CALN1: variants seen among roughly 807,000 people sequenced by gnomAD.
The protein encoded by CALN1 is calcium-binding protein 8.
A neutral mutation model predicts 30.6 loss-of-function variants in CALN1; 17 were observed. That is an observed-to-expected ratio of 0.56 (90% CI 0.38 to 0.83). CALN1 has a LOEUF of 0.83. CALN1 is among the 40% of genes least tolerant of loss of function. The pLI, the probability that CALN1 is intolerant of heterozygous loss-of-function variation, is 0.00. For synonymous variants in CALN1, 156 were observed against 131.4 expected (o/e 1.19, Z -1.28); for missense variants, 291 against 354.9 (o/e 0.82, Z 1.45).
At chr7:72,441,010 G>A (rs1343647619) in intron 1 of CALN1, among the ~76,000 whole-genome samples, 1 of 151,516 alleles carries the variant, frequency 6.6e-6, no homozygotes, top group Non-Finnish European at 1.5e-5. Flanking sequence ...ATATATACAT[G>A]TCAAAAAATG....
At chr7:72,409,180 G>C (rs1213140794) in intron 1 of CALN1, among the ~76,000 whole-genome samples, 6 of 151,838 alleles carry the variant, frequency 4.0e-5, no homozygotes, top group East Asian at 2.0e-4. Context: ...ATTTTTAGTA[G>C]AGACAGTGTT....
intron 3 of CALN1, among the ~76,000 whole-genome samples, chr7:72,201,651 G>A (rs1225328978): frequency 6.6e-6 from 1 of 151,398 alleles, no homozygotes; most frequent in Non-Finnish European, 1.5e-5. Flanking sequence ...CTCACTACCT[G>A]GGTGACAGAT....
intron 5 of CALN1, among the ~76,000 whole-genome samples, chr7:71,932,579 C>T (rs1384622785): frequency 6.6e-6 from 1 of 151,830 alleles, no homozygotes; most frequent in Non-Finnish European, 1.5e-5. Context: ...TTTCGGAGGC[C>T]GAGGCGGGCG....
intron 2 of CALN1, among the ~76,000 whole-genome samples, chr7:72,345,014 T>G (rs1272676514): frequency 1.4e-5 from 2 of 147,936 alleles, no homozygotes; most frequent in Non-Finnish European, 3.0e-5. Context: ...ACATTATATA[T>G]GTACAATATA....
intron 3 of CALN1, among the ~76,000 whole-genome samples, chr7:72,118,808 C>T (rs1007297782): frequency 1.3e-5 from 2 of 152,154 alleles, no homozygotes; most frequent in Non-Finnish European, 2.9e-5. Context: ...AGGGATCTCG[C>T]ATTGCTGGAA....
intron 2 of CALN1, among the ~76,000 whole-genome samples, chr7:72,355,002 C>G (rs942606594): frequency 3.3e-5 from 5 of 151,926 alleles, no homozygotes; most frequent in African/African-American, 1.2e-4. Flanking sequence ...CTCCACCTCC[C>G]GGGCTCAAGC....
At chr7:72,491,100 C>T in the CALN1 span, among the ~76,000 whole-genome samples, 27 of 152,076 alleles carry the variant, frequency 1.8e-4, 1 homozygote, top group African/African-American at 5.8e-4. Context: ...AAAAAATAGC[C>T]AGGCGTGGTG....
intron 3 of CALN1, among the ~76,000 whole-genome samples, chr7:72,250,722 C>T (rs995780209): frequency 2.0e-5 from 3 of 152,088 alleles, no homozygotes; most frequent in Non-Finnish European, 4.4e-5. Context: ...CTTACTCCCC[C>T]TCTTGCGACG....
At chr7:72,357,121 A>T (rs915436151) in intron 2 of CALN1, among the ~76,000 whole-genome samples, 1 of 152,038 alleles carries the variant, frequency 6.6e-6, no homozygotes, top group Non-Finnish European at 1.5e-5. Flanking sequence ...ACTTAGAGAC[A>T]GCCTTAACCT....
intron 3 of CALN1, among the ~76,000 whole-genome samples, chr7:72,259,068 G>A (rs555810284): frequency 1.5e-4 from 22 of 151,058 alleles, no homozygotes; most frequent in East Asian, 3.9e-4. Flanking sequence ...GCGACAGAGC[G>A]AGACTCCATT....
At chr7:72,288,732 G>A (rs1442439213) in intron 2 of CALN1, among the ~76,000 whole-genome samples, 1 of 152,112 alleles carries the variant, frequency 6.6e-6, no homozygotes, top group Non-Finnish European at 1.5e-5. Context: ...TCTGCTACAA[G>A]TATGCTTTTC....
intron 2 of CALN1, among the ~76,000 whole-genome samples, chr7:72,321,127 A>G (rs557888460): frequency 6.6e-6 from 1 of 152,302 alleles, no homozygotes; most frequent in African/African-American, 2.4e-5. Context: ...GACTTCACCT[A>G]TTCAATTTAA....
chr7:72,477,220 A>G, the CALN1 span, among the ~76,000 whole-genome samples: 1 of 151,904 alleles, frequency 6.6e-6, no homozygotes, highest in Admixed American at 6.6e-5. Context: ...ACAAAAAAAG[A>G]AAGAAAAGGT....
At chr7:72,364,457 ATT>A (rs1803761194) in intron 2 of CALN1, among the ~76,000 whole-genome samples, 1 of 152,222 alleles carries the variant, frequency 6.6e-6, no homozygotes, top group African/African-American at 2.4e-5. Context: ...ATGATTTAGT[ATT>A]TGTCTCTATA....
chr7:72,490,964 G>A, the CALN1 span, among the ~76,000 whole-genome samples: 2 of 152,192 alleles, frequency 1.3e-5, no homozygotes, highest in South Asian at 4.1e-4. Flanking sequence ...GATGCTCAAG[G>A]CCGGGCGCGG....
chr7:72,397,733 C>CACACACACAA (rs879595663), intron 2 of CALN1, among the ~76,000 whole-genome samples: 19 of 151,566 alleles, frequency 1.3e-4, no homozygotes, highest in Non-Finnish European at 2.4e-4. Context: ...CACACACACA[C>CACACACACAA]ACACACACAC....
At chr7:72,467,565 C>T in the CALN1 span, among the ~76,000 whole-genome samples, 1 of 152,080 alleles carries the variant, frequency 6.6e-6, no homozygotes, top group Non-Finnish European at 1.5e-5. Context: ...TGGGGGTCCA[C>T]CTCCCTCACT....
intron 2 of CALN1, among the ~76,000 whole-genome samples, chr7:72,287,012 A>G (rs1798126834): frequency 1.3e-5 from 2 of 152,222 alleles, no homozygotes; most frequent in African/African-American, 4.8e-5. Context: ...ATTTGCAAAC[A>G]AAGGAGAAAT....
chr7:72,166,326 G>A (rs149796784), intron 3 of CALN1, among the ~76,000 whole-genome samples: 58 of 152,178 alleles, frequency 3.8e-4, no homozygotes, highest in African/African-American at 1.3e-3. Context: ...TTCAGCCTCT[G>A]GAGTATCTGG....
Sources: gnomAD v4.1 joint callset for allele counts (sites outside exome capture counted in the v4.1 genomes callset) on GRCh38, gnomAD v4.1.1 for gene constraint, MANE v1.5 for transcripts, NCBI Gene and HGNC (gene_info 2026-07-23, HGNC 2026-07-21) for gene names.